SARDH: variants seen among roughly 807,000 people sequenced by gnomAD.
SARDH encodes the protein sarcosine dehydrogenase, also known as sarcosine dehydrogenase, mitochondrial.
A neutral mutation model predicts 109.1 loss-of-function variants in SARDH; 95 were observed. That is an observed-to-expected ratio of 0.87 (90% CI 0.74 to 1.03). The LOEUF is 1.03. Among genes scored for constraint, SARDH ranks in the 50% least tolerant of loss-of-function variants. The probability of loss-of-function intolerance (pLI) is 0.00; values close to 1 mark genes in which losing one functional copy is unlikely to be tolerated. For synonymous variants in SARDH, 572 were observed against 534.8 expected, an observed-to-expected ratio of 1.07 and a Z score of -0.96; for missense variants, 1,267 against 1,287.8, an observed-to-expected ratio of 0.98 and a Z score of 0.25.
chr9:133,712,808 C>A lies in SARDH; in HGVS notation c.1238-99G>T. The stretch of plus-strand genomic sequence containing the variant: ...ATCTCCACGGACAGCACAGACACTC[C>A]AAGCTCTGCTCTCACACCTGGGGTG... On this transcript the variant is annotated intron_variant, in intron 9 of 20. Coordinates refer to ENST00000439388, the MANE Select transcript of SARDH (RefSeq NM_001134707.2). The surrounding 1 kb of genome is among the most constrained non-coding windows in gnomAD (Gnocchi z 4.1). 2 of 1,192,386 alleles carry A rather than the reference C, an allele frequency of 1.7e-6. No individual in the cohort carries two copies. Among genetic ancestry groups the A allele is most frequent in the Admixed American group, 1.9e-5 (1 of 51,784 alleles). 73.9% of individuals were successfully genotyped at this position (1,192,386 alleles called of 1,614,324 possible).
intron 8 of SARDH, among the ~76,000 whole-genome samples, chr9:133,716,032 C>G (rs1486239607): frequency 6.6e-6 from 1 of 152,240 alleles, no homozygotes; most frequent in Non-Finnish European, 1.5e-5. Flanking sequence ...CTGCTGGAAC[C>G]CCAATGTGGG....
chr9:133,731,610 C>T, intron 3 of SARDH, 126 bp from the exon 4 acceptor site: 1 of 916,056 alleles, frequency 1.1e-6, no homozygotes, highest in Non-Finnish European at 1.7e-6. Flanking sequence ...AGCCGGTCCC[C>T]ACGCCCCCGG....
At chr9:133,710,605 C>T (rs775026163) in intron 10 of SARDH, among the ~76,000 whole-genome samples, 3 of 152,268 alleles carry the variant, frequency 2.0e-5, no homozygotes, top group Non-Finnish European at 2.9e-5. Flanking sequence ...CTGGCGCCGA[C>T]GCTCTCTGTT....
intron 17 of SARDH, among the ~76,000 whole-genome samples, chr9:133,677,359 G>T (rs1830551775): frequency 1.3e-5 from 2 of 152,178 alleles, no homozygotes; most frequent in South Asian, 4.1e-4. Flanking sequence ...CTTGTTGAAA[G>T]AATCCGTAGG....
chr9:133,703,519 G>T, intron 12 of SARDH: 1 of 160,594 alleles, frequency 6.2e-6, no homozygotes, highest in Non-Finnish European at 1.4e-5. Context: ...ACCTGGCAGT[G>T]GCACGAAGCC....
chr9:133,660,352 C>T (rs575115036), downstream of SARDH, among the ~76,000 whole-genome samples: 9 of 152,194 alleles, frequency 5.9e-5, no homozygotes, highest in Admixed American at 4.6e-4. Context: ...CCGGGGAGCT[C>T]GAAGTGTCCC....
At chr9:133,664,629 G>C (rs1291240975) in intron 20 of SARDH, among the ~76,000 whole-genome samples, 4 of 152,222 alleles carry the variant, frequency 2.6e-5, no homozygotes, top group Non-Finnish European at 5.9e-5. Flanking sequence ...ACTCAGGGAA[G>C]CTGTTCTTCC....
At chr9:133,717,515 G>T in intron 7 of SARDH, 60 bp from the exon 8 acceptor site, 1 of 1,599,102 alleles carries the variant, frequency 6.3e-7, no homozygotes, top group Non-Finnish European at 8.5e-7. Flanking sequence ...GCATCCCCAT[G>T]CCAAACCTGC....
intron 6 of SARDH, among the ~76,000 whole-genome samples, chr9:133,719,598 G>A (rs1007292683): frequency 1.3e-5 from 2 of 152,246 alleles, no homozygotes; most frequent in African/African-American, 4.8e-5. Flanking sequence ...GTCCTGAGAG[G>A]CTCCAGAAGT....
At chr9:133,731,675 C>G (rs1832687668) in intron 3 of SARDH, among the ~76,000 whole-genome samples, 191 bp from the exon 4 acceptor site, 1 of 152,218 alleles carries the variant, frequency 6.6e-6, no homozygotes, top group Non-Finnish European at 1.5e-5. Flanking sequence ...GGCACTGAGG[C>G]AGGCTCCGGG....
chr9:133,713,110 C>T lies in SARDH; in HGVS notation c.1165G>A (p.Asp389Asn), dbSNP rs376813433. 28 of 1,613,100 alleles carry T rather than the reference C, an allele frequency of 1.7e-5. No individual in the cohort carries two copies. Among genetic ancestry groups the T allele is most frequent in the African/African-American group, 6.7e-5 (5 of 74,928 alleles). Reference sequence around the variant, plus strand: ...GCCTCCCCCATCAGGGGCTTGTGGTCGGGCGTGAAGGATTCTGAAAGAAGG... The same window carrying T: ...GCCTCCCCCATCAGGGGCTTGTGGTTGGGCGTGAAGGATTCTGAAAGAAGG... ...TVCGPESFTP[D>N]HKPLMGEAPE... Residue 389 changes from aspartate (D) to asparagine (N), a missense_variant, in exon 9 of 21, where the codon GAC becomes AAC. Transcript: ENST00000439388.
chr9:133,671,490 C>A (rs1830345308), intron 18 of SARDH, 45 bp downstream of exon 18: 3 of 1,517,878 alleles, frequency 2.0e-6, no homozygotes, highest in African/African-American at 1.4e-5. Context: ...CACTGCCCCC[C>A]ACTGCGCCCG....
At chr9:133,721,207 G>C (rs1306689887) in intron 6 of SARDH, among the ~76,000 whole-genome samples, 1 of 152,204 alleles carries the variant, frequency 6.6e-6, no homozygotes, top group Non-Finnish European at 1.5e-5. Context: ...TCTGGACAGA[G>C]GCCTGCACCA....
intron 6 of SARDH, among the ~76,000 whole-genome samples, chr9:133,720,797 C>T (rs751318584): frequency 1.3e-5 from 2 of 152,114 alleles, no homozygotes; most frequent in Admixed American, 1.3e-4. Context: ...GGGATTATTA[C>T]GATTCAAGGT....
chr9:133,731,236 C>T, intron 4 of SARDH, 69 bp downstream of exon 4: 1 of 1,570,634 alleles, frequency 6.4e-7, no homozygotes, highest in Non-Finnish European at 8.7e-7. Flanking sequence ...TTCCCTTCTG[C>T]TCTCAGGGTT....
At chr9:133,673,699 T>C (rs2131340135) in intron 17 of SARDH, among the ~76,000 whole-genome samples, 1 of 152,376 alleles carries the variant, frequency 6.6e-6, no homozygotes, top group Middle Eastern at 3.4e-3. Context: ...CGTAGGCCCC[T>C]GACAAAGATT....
rs570381817 is a variant in SARDH at position 133,703,091 on chromosome 9, G to C, written c.1555-62C>G. 67 of 1,435,510 alleles carry C rather than the reference G, an allele frequency of 4.7e-5. No individual in the cohort carries two copies. In the African/African-American group the frequency reaches 8.3e-4, roughly 18 times the overall value. The allele number at this position is 1,435,510 out of a possible 1,614,324, so 88.9% of individuals were successfully genotyped here. Reference sequence around the variant, plus strand: ...TGGCCCCTCCCCGCTTCCCTCCCCAGAGCGGGGTCCCGCTGAGGCTGTGAT... The same window carrying C: ...TGGCCCCTCCCCGCTTCCCTCCCCACAGCGGGGTCCCGCTGAGGCTGTGAT... On this transcript the variant is annotated intron_variant, in intron 12 of 20. Transcript: ENST00000439388.
intron 6 of SARDH, among the ~76,000 whole-genome samples, chr9:133,725,988 C>A (rs779302323): frequency 6.6e-6 from 1 of 152,172 alleles, no homozygotes; most frequent in Non-Finnish European, 1.5e-5. Flanking sequence ...CCGCCAGGAT[C>A]CCAGGAGTCC....
intron 17 of SARDH, among the ~76,000 whole-genome samples, chr9:133,681,883 C>T (rs954177255): frequency 6.6e-5 from 10 of 152,294 alleles, no homozygotes; most frequent in Middle Eastern, 3.4e-3. Context: ...CCAGTTGACG[C>T]TCATGTCCCA....
Sources: allele counts gnomAD v4.1 joint callset (sites outside exome capture counted in the v4.1 genomes callset), GRCh38; gene constraint gnomAD v4.1.1; non-coding constraint Gnocchi (gnomAD v3.1); transcripts MANE v1.5; gene names NCBI Gene and HGNC (gene_info 2026-07-23, HGNC 2026-07-21).